The following FHIT variants were observed in gnomAD, a reference collection of about 807,000 sequenced individuals.
The protein encoded by FHIT is bis(5'-adenosyl)-triphosphatase.
In FHIT, 19 loss-of-function variants were observed where a neutral mutation model predicts 17.9. The ratio of observed to expected loss-of-function variants is 1.06; its 90% CI spans 0.74 to 1.56. The LOEUF (loss-of-function observed/expected upper bound fraction) is 1.56. FHIT is among the 40% of genes most tolerant of loss of function. FHIT has a pLI of 0.00. For synonymous variants in FHIT, 81 were observed against 69.7 expected (o/e 1.16, Z -0.81); for missense variants, 248 against 189.2 (o/e 1.31, Z -1.82).
At chr3:61,207,326 G>A (rs1443211339) in intron 1 of FHIT, among the ~76,000 whole-genome samples, 1 of 152,114 alleles carries the variant, frequency 6.6e-6, no homozygotes, top group African/African-American at 2.4e-5. Context: ...GGATGATGCT[G>A]GCCTCATAAA....
chr3:59,995,005 G>A (rs1699448835), intron 7 of FHIT, among the ~76,000 whole-genome samples: 1 of 152,008 alleles, frequency 6.6e-6, no homozygotes, highest in Non-Finnish European at 1.5e-5. Flanking sequence ...TACGAAAGGA[G>A]AGAGGCTCTG....
chr3:60,239,130 T>C (rs1704974428), intron 5 of FHIT, among the ~76,000 whole-genome samples: 1 of 152,212 alleles, frequency 6.6e-6, no homozygotes, highest in African/African-American at 2.4e-5. Context: ...CAAAGCCTAC[T>C]TCCAGAGTTT....
chr3:60,662,842 AT>A (rs1447899993), intron 4 of FHIT, among the ~76,000 whole-genome samples: 1 of 151,748 alleles, frequency 6.6e-6, no homozygotes. Flanking sequence ...TTTCTCCCAC[AT>A]TTATTTTTTA....
At chr3:61,137,028 A>G (rs1404170987) in intron 2 of FHIT, among the ~76,000 whole-genome samples, 1 of 152,144 alleles carries the variant, frequency 6.6e-6, no homozygotes, top group South Asian at 2.1e-4. Context: ...GTCAGAATAT[A>G]ATCTTTGTAA....
chr3:60,437,539 AC>A (rs1289949154), intron 5 of FHIT, among the ~76,000 whole-genome samples: 2 of 152,216 alleles, frequency 1.3e-5, no homozygotes, highest in East Asian at 3.9e-4. Flanking sequence ...CATCCTATGC[AC>A]TGTGCTCAGA....
At chr3:60,161,401 T>C (rs190211102) in intron 5 of FHIT, among the ~76,000 whole-genome samples, 135 of 152,284 alleles carry the variant, frequency 8.9e-4, no homozygotes, top group African/African-American at 3.1e-3. Flanking sequence ...AGGGCCTGAT[T>C]TGTGCCAGTG....
rs112642337 is a variant in FHIT at position 60,747,126 on chromosome 3, C to CAA, written c.-18+74791_-18+74792dup. Among the ~76,000 whole-genome samples the CAA allele has an allele frequency of 3.8e-3, 418 of 110,954 alleles. 2 individuals are homozygous for CAA. Among genetic ancestry groups the CAA allele is most frequent in the African/African-American group, 0.012 (386 of 31,378 alleles). 72.8% of individuals were successfully genotyped at this position (110,954 alleles called of 152,430 possible). On this transcript the variant is annotated intron_variant, in intron 4 of 9. Transcript: ENST00000492590. ...ACAGTTCTGTGGTTCTTGGAATTCA[C>CAA]AAAAAAAAAAAAAAATGCTCTACTT...
intron 4 of FHIT, among the ~76,000 whole-genome samples, chr3:60,700,585 T>C (rs1052115093): frequency 2.0e-5 from 3 of 152,170 alleles, no homozygotes; most frequent in East Asian, 1.9e-4. Context: ...TCTTTAAATA[T>C]ACATTTTCAC....
At position 60,196,249 on chromosome 3, in the gene FHIT, T is replaced by C. The variant is rs532009793; in HGVS notation, c.104-182097A>G. Among the ~76,000 whole-genome samples, 3 of 152,268 alleles carry C rather than the reference T, an allele frequency of 2.0e-5. No homozygotes were observed. In the South Asian group the frequency reaches 6.2e-4, roughly 32 times the overall value. On this transcript the variant is annotated intron_variant, in intron 5 of 9. Coordinates refer to ENST00000492590, the MANE Select transcript of FHIT (RefSeq NM_002012.4). ...AGGGCTGTGTTCCTTCTGGGGGCTC[T>C]AGTTCAGAATCCATTCCCTTACTTT...
At chr3:60,400,750 A>C (rs933669558) in intron 5 of FHIT, among the ~76,000 whole-genome samples, 1 of 152,146 alleles carries the variant, frequency 6.6e-6, no homozygotes, top group Non-Finnish European at 1.5e-5. Flanking sequence ...AGAAGCTGAA[A>C]AGACTGAGGA....
intron 8 of FHIT, among the ~76,000 whole-genome samples, chr3:59,920,144 G>C (rs1265351763): frequency 2.0e-5 from 3 of 152,294 alleles, no homozygotes; most frequent in Non-Finnish European, 4.4e-5. Context: ...AGTAAGAACA[G>C]AAACTACTAT....
intron 5 of FHIT, among the ~76,000 whole-genome samples, chr3:60,189,712 T>C (rs1396361320): frequency 6.6e-6 from 1 of 152,224 alleles, no homozygotes; most frequent in Non-Finnish European, 1.5e-5. Context: ...AGTAATGACA[T>C]GAATCGTTTT....
intron 8 of FHIT, among the ~76,000 whole-genome samples, chr3:59,754,813 G>A (rs1350123589): frequency 1.3e-5 from 2 of 152,160 alleles, no homozygotes; most frequent in Non-Finnish European, 2.9e-5. Context: ...CAAAAACTCT[G>A]TTGTACCTAG....
intron 5 of FHIT, among the ~76,000 whole-genome samples, chr3:60,396,326 T>C (rs1701437627): frequency 6.6e-6 from 1 of 152,204 alleles, no homozygotes; most frequent in African/African-American, 2.4e-5. Context: ...AAAACAGCTA[T>C]ATAACGTTAG....
intron 5 of FHIT, among the ~76,000 whole-genome samples, chr3:60,158,183 A>G (rs978901207): frequency 1.3e-5 from 2 of 152,162 alleles, no homozygotes; most frequent in Non-Finnish European, 2.9e-5. Flanking sequence ...ACTGTTAGAA[A>G]CTAACCTGGC....
intron 5 of FHIT, among the ~76,000 whole-genome samples, chr3:60,369,610 T>TAAAC (rs1277654638): frequency 6.6e-6 from 1 of 152,234 alleles, no homozygotes; most frequent in Non-Finnish European, 1.5e-5. Flanking sequence ...TATACTCTGT[T>TAAAC]AGAGTGGGCC....
chr3:61,046,025 C>G (rs1363639127), intron 2 of FHIT, among the ~76,000 whole-genome samples: 2 of 151,944 alleles, frequency 1.3e-5, no homozygotes, highest in African/African-American at 4.8e-5. Flanking sequence ...TAAATGCCCA[C>G]AAGAGAAAAC....
rs141982687 is a variant in FHIT, at chr3:61,224,853, G to GAC, written c.-212-24190_-212-24189dup. 4.7e-4 allele frequency among the ~76,000 whole-genome samples: 71 copies of GAC among 151,646 alleles called. 1 individual carries two copies. The East Asian group carries it at 0.01, about 21-fold the overall frequency. On this transcript the variant is annotated intron_variant, in intron 1 of 9. Coordinates refer to ENST00000492590, the MANE Select transcript of FHIT (RefSeq NM_002012.4). ...TACATATATACATACAGTGTGGATG[G>GAC]ACACACACACACACATATATATATA...
intron 8 of FHIT, among the ~76,000 whole-genome samples, chr3:59,825,317 G>T (rs1370756339): frequency 6.6e-6 from 1 of 152,086 alleles, no homozygotes; most frequent in Non-Finnish European, 1.5e-5. Context: ...GCTTTTTTAT[G>T]GATGTTTCTT....
Sources: gnomAD v4.1 joint callset for allele counts (sites outside exome capture counted in the v4.1 genomes callset) on GRCh38, gnomAD v4.1.1 for gene constraint, MANE v1.5 for transcripts, NCBI Gene and HGNC (gene_info 2026-07-23, HGNC 2026-07-21) for gene names.